The following IDO2 variants were observed in gnomAD, a reference collection of about 807,000 sequenced individuals.
IDO2 encodes the protein indoleamine 2,3-dioxygenase-like 1 protein.
A neutral mutation model predicts 45.1 loss-of-function variants in IDO2; 46 were observed. That is an observed-to-expected ratio of 1.02 (90% confidence interval 0.80 to 1.30). The LOEUF is 1.30. Ranked by LOEUF, IDO2 falls within the 50% of genes most tolerant of loss-of-function variation. The probability of loss-of-function intolerance (pLI) is 0.00; values close to 1 mark genes in which losing one functional copy is unlikely to be tolerated. For missense variants in IDO2, 544 were observed against 491.8 expected, an observed-to-expected ratio of 1.11 and a Z score of -1.00; for synonymous variants, 218 against 184.9, an observed-to-expected ratio of 1.18 and a Z score of -1.45.
chr8:39,982,302 T>C (rs892820315), intron 4 of IDO2, among the ~76,000 whole-genome samples: 5 of 151,920 alleles, frequency 3.3e-5, no homozygotes, highest in African/African-American at 1.2e-4. Context: ...CTATCAAAAT[T>C]TTTTTCCGTT....
intron 2 of IDO2, among the ~76,000 whole-genome samples, chr8:39,961,914 A>G (rs73619579): frequency 6.8e-4 from 103 of 152,282 alleles, no homozygotes; most frequent in African/African-American, 2.4e-3. Flanking sequence ...AAAGAGCCTC[A>G]GGTTAGGGGG....
At chr8:39,993,341 G>A (rs977154367) in intron 8 of IDO2, among the ~76,000 whole-genome samples, 2 of 152,026 alleles carry the variant, frequency 1.3e-5, no homozygotes, top group Non-Finnish European at 1.5e-5. Context: ...CCATGGAAAT[G>A]TTTGCCTTTA....
At chr8:39,964,005 C>G (rs573963187) in intron 3 of IDO2, among the ~76,000 whole-genome samples, 1 of 152,140 alleles carries the variant, frequency 6.6e-6, no homozygotes, top group Non-Finnish European at 1.5e-5. Flanking sequence ...GACAAGGTAT[C>G]GCCTAAGAAG....
At chr8:39,971,916 C>A (rs902618317) in intron 3 of IDO2, among the ~76,000 whole-genome samples, 1 of 152,022 alleles carries the variant, frequency 6.6e-6, no homozygotes, top group African/African-American at 2.4e-5. Context: ...TCAAGCAAGT[C>A]TCCTGCCTCA....
chr8:39,953,237 G>A (rs991159482), intron 2 of IDO2, among the ~76,000 whole-genome samples: 1 of 152,132 alleles, frequency 6.6e-6, no homozygotes, highest in Admixed American at 6.5e-5. Flanking sequence ...TAAATGACAT[G>A]ATGCATCTGA....
chr8:40,006,666 A>T (rs1274913760), intron 9 of IDO2, among the ~76,000 whole-genome samples: 1 of 151,328 alleles, frequency 6.6e-6, no homozygotes, highest in Non-Finnish European at 1.5e-5. Context: ...ATTTTATTTT[A>T]TTTTATTTTT....
intron 8 of IDO2, chr8:39,997,976 A>G: frequency 4.4e-6 from 1 of 228,678 alleles, no homozygotes; most frequent in Non-Finnish European, 9.2e-6. Context: ...ACTGGCTAGC[A>G]AATGCCTATT....
chr8:39,969,864 A>G (rs1808153156), intron 3 of IDO2, among the ~76,000 whole-genome samples: 1 of 112,590 alleles, frequency 8.9e-6, no homozygotes, highest in South Asian at 3.6e-4. Context: ...AACAAGAGTA[A>G]AACTCCTTCT....
intron 3 of IDO2, among the ~76,000 whole-genome samples, chr8:39,971,797 C>G (rs535891353): frequency 6.8e-6 from 1 of 146,502 alleles, no homozygotes; most frequent in Non-Finnish European, 1.5e-5. Context: ...TGCAATCTTA[C>G]GATTGAACTT....
intron 2 of IDO2, among the ~76,000 whole-genome samples, chr8:39,957,126 T>C (rs1807917279): frequency 1.3e-5 from 2 of 150,032 alleles, no homozygotes; most frequent in South Asian, 4.2e-4. Context: ...TTGCAAATGA[T>C]CCATTTGACA....
intron 2 of IDO2, among the ~76,000 whole-genome samples, chr8:39,956,995 C>T (rs2543086): frequency 7.0e-6 from 1 of 142,344 alleles, no homozygotes; most frequent in African/African-American, 2.6e-5. Context: ...GTGAACCGAG[C>T]TCACACAAGT....
chr8:39,972,753 C>A (rs990932441), intron 3 of IDO2, among the ~76,000 whole-genome samples: 2 of 151,912 alleles, frequency 1.3e-5, no homozygotes, highest in Non-Finnish European at 2.9e-5. Context: ...GCCACCCCAA[C>A]CTTCAGCAAC....
intron 3 of IDO2, among the ~76,000 whole-genome samples, chr8:39,973,862 C>T (rs1346466935): frequency 6.6e-6 from 1 of 151,986 alleles, no homozygotes; most frequent in African/African-American, 2.4e-5. Flanking sequence ...CTGCCTCAGC[C>T]TCCCGAGTAG....
intron 8 of IDO2, among the ~76,000 whole-genome samples, chr8:39,997,318 G>A (rs1033424312): frequency 6.6e-6 from 1 of 151,958 alleles, no homozygotes; most frequent in Admixed American, 6.6e-5. Flanking sequence ...GGAGTCTTAC[G>A]GAAGAATAAA....
exon 11 of IDO2, chr8:40,015,730 G>A (rs1439572847): frequency 2.0e-5 from 14 of 693,696 alleles, no homozygotes; most frequent in Middle Eastern, 4.1e-4. Flanking sequence ...CTGCTCTACA[G>A]AGCACTATAT....
At chr8:40,014,505 C>A (rs1286034179) in intron 10 of IDO2, among the ~76,000 whole-genome samples, 2 of 152,132 alleles carry the variant, frequency 1.3e-5, no homozygotes, top group East Asian at 3.9e-4. Flanking sequence ...CTTTATATAA[C>A]TTTCTCCTTT....
At chr8:39,961,600 G>A (rs1807999054) in intron 2 of IDO2, among the ~76,000 whole-genome samples, 2 of 152,036 alleles carry the variant, frequency 1.3e-5, no homozygotes, top group Admixed American at 6.6e-5. Context: ...GAAATTACAG[G>A]TATGAGCCAT....
At chr8:39,985,721 A>C (rs1395419728) in intron 6 of IDO2, 199 bp downstream of exon 6, 1 of 559,636 alleles carries the variant, frequency 1.8e-6, no homozygotes, top group Non-Finnish European at 3.2e-6. Flanking sequence ...TTCCTTGTAT[A>C]GATAAGGGAT....
At chr8:39,981,919 A>T (rs1585409954) in intron 4 of IDO2, among the ~76,000 whole-genome samples, 2 of 152,188 alleles carry the variant, frequency 1.3e-5, no homozygotes, top group East Asian at 3.9e-4. Flanking sequence ...TCCTTGGATA[A>T]AAAAGGTTGA....
Sources: gnomAD v4.1 joint callset for allele counts (sites outside exome capture counted in the v4.1 genomes callset) on GRCh38, gnomAD v4.1.1 for gene constraint, MANE v1.5 for transcripts, NCBI Gene and HGNC (gene_info 2026-07-23, HGNC 2026-07-21) for gene names.